SEPTIN10: variants seen among roughly 807,000 people sequenced by gnomAD.
SEPTIN10 encodes septin 10, also known as septin-10.
A neutral mutation model predicts 54.8 loss-of-function variants in SEPTIN10; 66 were observed. That is an observed-to-expected ratio of 1.21 (90% CI 0.99 to 1.48). SEPTIN10 has a LOEUF of 1.48. Ranked by LOEUF, SEPTIN10 falls within the 40% of genes most tolerant of loss-of-function variation. The pLI, the probability that SEPTIN10 is intolerant of heterozygous loss-of-function variation, is 0.00. For missense variants in SEPTIN10, 620 were observed against 545.6 expected (o/e 1.14, Z -1.36); for synonymous variants, 161 against 181.0 (o/e 0.89, Z 0.89).
intron 6 of SEPTIN10, among the ~76,000 whole-genome samples, chr2:109,566,943 G>A (rs1210297150): frequency 6.6e-6 from 1 of 151,966 alleles, no homozygotes; most frequent in Non-Finnish European, 1.5e-5. Context: ...TTCTAGTTGA[G>A]CACAAGAAAT....
At position 109,585,209 on chromosome 2, in the gene SEPTIN10, A is replaced by G. The variant is rs995037667; in HGVS notation, c.330T>C (p.Tyr110=). 3.7e-6 allele frequency: 6 copies of G among 1,612,992 alleles called. No individual in the cohort carries two copies. Among genetic ancestry groups the G allele is most frequent in the Admixed American group, 3.3e-5 (2 of 59,872 alleles). The change falls in exon 4 of 11, where the codon TAT becomes TAC. Residue 110 remains tyrosine (Y), a synonymous_variant. Coordinates refer to ENST00000397712, the MANE Select transcript of SEPTIN10 (RefSeq NM_144710.5). The part of the protein sequence containing the change: ...CPNVKLKAQT[Y]ELQESNVQLK... ...ATTGAACATTACTTTCCTGGAGTTCATATGTCTGAGCTTTAAGTTTAACAT... is the reference window on the plus strand; with the variant it reads ...ATTGAACATTACTTTCCTGGAGTTCGTATGTCTGAGCTTTAAGTTTAACAT...
At chr2:109,573,722 C>T (rs1036087264) in intron 5 of SEPTIN10, among the ~76,000 whole-genome samples, 1 of 152,128 alleles carries the variant, frequency 6.6e-6, no homozygotes, top group African/African-American at 2.4e-5. Context: ...AAAATTCTAA[C>T]GTTTCTTTAA....
chr2:109,593,171 A>G, intron 1 of SEPTIN10, 52 bp from the exon 2 acceptor site: 1 of 1,217,296 alleles, frequency 8.2e-7, no homozygotes, highest in East Asian at 2.4e-5. Flanking sequence ...TACTCCCCAA[A>G]CCCCATTATC....
rs74558908 is a variant in SEPTIN10, at chr2:109,566,613, A to G, written c.763-754T>C. On this transcript the variant is annotated intron_variant, in intron 6 of 10. Transcript: ENST00000397712. ...ATGGTACTAATATAAAGTAGTACAC[A>G]AAGTCCCAAATTAATGTCAATATAG... Among the ~76,000 whole-genome samples the G allele has an allele frequency of 9.5e-3, 1,447 of 152,296 alleles. 65 individuals carry two copies. In the East Asian group the frequency reaches 0.13, roughly 13 times the overall value.
chr2:109,546,021 C>G, intron 10 of SEPTIN10, 29 bp downstream of exon 10: 1 of 1,540,942 alleles, frequency 6.5e-7, no homozygotes, highest in African/African-American at 1.4e-5. Flanking sequence ...GTGGGCAGGG[C>G]TGCCAGGGAG....
At chr2:109,611,879 G>A (rs957623800) in intron 1 of SEPTIN10, among the ~76,000 whole-genome samples, 1 of 152,156 alleles carries the variant, frequency 6.6e-6, no homozygotes, top group African/African-American at 2.4e-5. Flanking sequence ...ATACTTTCCT[G>A]GTAGGGATGC....
chr2:109,567,765 A>G (rs1687370584), intron 6 of SEPTIN10, 50 bp downstream of exon 6: 4 of 1,500,338 alleles, frequency 2.7e-6, no homozygotes, highest in Non-Finnish European at 3.6e-6. Context: ...CACAAATTAC[A>G]GTTTTATTTT....
chr2:109,599,270 C>G (rs1157743471), intron 1 of SEPTIN10, among the ~76,000 whole-genome samples: 1 of 152,006 alleles, frequency 6.6e-6, no homozygotes, highest in Non-Finnish European at 1.5e-5. Context: ...CCAGCCTGGC[C>G]AACATGGTGA....
intron 8 of SEPTIN10, among the ~76,000 whole-genome samples, chr2:109,559,843 G>T (rs1685206915): frequency 6.6e-6 from 1 of 150,466 alleles, no homozygotes; most frequent in African/African-American, 2.5e-5. Context: ...AACAAAAATG[G>T]TTTCTACCTG....
At chr2:109,544,490 TAG>T (rs1313006742) in intron 10 of SEPTIN10, 166 bp from the exon 11 acceptor site, 1 of 985,212 alleles carries the variant, frequency 1.0e-6, no homozygotes, top group African/African-American at 1.7e-5. Context: ...TAAATTCTTC[TAG>T]AGAGCTCTCA....
chr2:109,587,683 G>C (rs1692890102), intron 2 of SEPTIN10, among the ~76,000 whole-genome samples: 1 of 152,160 alleles, frequency 6.6e-6, no homozygotes, highest in African/African-American at 2.4e-5. Context: ...GGAGGCCGAG[G>C]CGGGTGGATA....
chr2:109,565,774 C>T lies in SEPTIN10; in HGVS notation c.848G>A (p.Gly283Asp). Reference sequence around the variant, plus strand: ...TTTGTCTCATTTACCTTGTACAACACCCCAAGGGTACTGGCGAGCTTTGAC... The same window carrying T: ...TTTGTCTCATTTACCTTGTACAACATCCCAAGGGTACTGGCGAGCTTTGAC... ...KMVKARQYPW[G>D]VVQVENENHC... The change falls in exon 7 of 11, where the codon GGT becomes GAT. Residue 283 changes from glycine to aspartate, a missense_variant. Physicochemically the swap from Gly to Asp is moderately conservative, Grantham distance 94 (BLOSUM62 -1). Transcript: ENST00000397712. 1.9e-6 allele frequency: 3 copies of T among 1,613,778 alleles called. No individual in the cohort carries two copies. Among genetic ancestry groups the T allele is most frequent in the East Asian group, 2.2e-5 (1 of 44,878 alleles).
chr2:109,601,123 C>T (rs1471389439), intron 1 of SEPTIN10, among the ~76,000 whole-genome samples: 1 of 152,176 alleles, frequency 6.6e-6, no homozygotes, highest in Non-Finnish European at 1.5e-5. Flanking sequence ...GGTTGATTAA[C>T]CACTGGTCAC....
chr2:109,574,881 C>G, intron 4 of SEPTIN10, 114 bp from the exon 5 acceptor site: 1 of 592,190 alleles, frequency 1.7e-6, no homozygotes, highest in Non-Finnish European at 2.6e-6. Flanking sequence ...CAGTTAATAT[C>G]TATGCTGAAC....
At chr2:109,602,510 T>C (rs984356490) in intron 1 of SEPTIN10, among the ~76,000 whole-genome samples, 1 of 152,010 alleles carries the variant, frequency 6.6e-6, no homozygotes, top group African/African-American at 2.4e-5. Context: ...ACCCCATCTC[T>C]ACTAAAAGTA....
rs552012451 is a variant in SEPTIN10 at position 109,613,402 on chromosome 2, G to C, written c.30+396C>G. The C allele has an allele frequency of 5.2e-4, 172 of 328,350 alleles. 1 individual carries two copies. The highest frequency in any genetic ancestry group is 4.3e-3 in the South Asian group (170 of 39,688). 20.3% of individuals were successfully genotyped at this position (328,350 alleles called of 1,614,324 possible). A position where few individuals can be genotyped will look rare whatever the true frequency, so the allele number is the denominator to read the frequency against. ...AGCCGGGCTTTCTCCCGGCGGCAGG[G>C]AGGCTCGGAAGTGCTCACGGCTGCA... On this transcript the variant is annotated intron_variant, in intron 1 of 10. Coordinates refer to ENST00000397712, the MANE Select transcript of SEPTIN10 (RefSeq NM_144710.5).
rs1691370870 is a variant in SEPTIN10 at position 109,582,257 on chromosome 2, G to A, written c.413+2869C>T. Reference sequence around the variant, plus strand: ...GCTCATGGAATCAATATAGTTGGAAGAATCAATATAGTTAAAACGGCCATA... The same window carrying A: ...GCTCATGGAATCAATATAGTTGGAAAAATCAATATAGTTAAAACGGCCATA... On this transcript the variant is annotated intron_variant, in intron 4 of 10. Coordinates refer to ENST00000397712, the MANE Select transcript of SEPTIN10 (RefSeq NM_144710.5). 2.0e-5 allele frequency among the ~76,000 whole-genome samples: 3 copies of A among 152,074 alleles called. No homozygotes were observed. In the South Asian group the frequency reaches 6.2e-4, roughly 32 times the overall value.
rs1293025251 is a variant in SEPTIN10, at chr2:109,553,102, T to C, written c.1146A>G (p.Lys382=). The change falls in exon 9 of 11, where the codon AAA becomes AAG. Residue 382 remains lysine, a synonymous_variant. Transcript: ENST00000397712. ...QRVKEKEAIL[K]EAERELQAKF... The stretch of plus-strand genomic sequence containing the variant: ...GCATACTTGCCTCTCTCTCAGCTTC[T>C]TTCAATATGGCTTCTTTCTCCTTTA... 1 of 1,612,804 alleles carries C rather than the reference T, an allele frequency of 6.2e-7. No individual in the cohort carries two copies. Among genetic ancestry groups the C allele is most frequent in the African/African-American group, 1.3e-5 (1 of 74,880 alleles).
chr2:109,607,288 T>C (rs563986396), intron 1 of SEPTIN10, among the ~76,000 whole-genome samples: 29 of 152,226 alleles, frequency 1.9e-4, no homozygotes, highest in Non-Finnish European at 4.1e-4. Context: ...AGTAAGTTCT[T>C]GAATGCCTCA....
Sources: gnomAD v4.1 joint callset for allele counts (sites outside exome capture counted in the v4.1 genomes callset) on GRCh38, gnomAD v4.1.1 for gene constraint, MANE v1.5 for transcripts, NCBI Gene and HGNC (gene_info 2026-07-23, HGNC 2026-07-21) for gene names.